MAPK10: variants seen among roughly 807,000 people sequenced by gnomAD.
MAPK10 encodes the protein mitogen-activated protein kinase 10, also known as JNK3 alpha protein kinase.
In MAPK10, 25 loss-of-function variants were observed where a neutral mutation model predicts 59.3. The ratio of observed to expected loss-of-function variants is 0.42; its 90% confidence interval spans 0.31 to 0.59. The LOEUF is 0.59. Among genes scored for constraint, MAPK10 ranks in the 20% least tolerant of loss-of-function variants. The pLI is 0.15. For missense variants in MAPK10, 351 were observed against 568.9 expected (o/e 0.62, Z 3.90); for synonymous variants, 190 against 200.5 (o/e 0.95, Z 0.44).
intron 1 of MAPK10, among the ~76,000 whole-genome samples, chr4:86,582,354 A>G (rs1027179666): frequency 2.6e-5 from 4 of 152,208 alleles, no homozygotes; most frequent in Non-Finnish European, 5.9e-5. Flanking sequence ...TATTACTAAT[A>G]TAAATACATG....
chr4:86,591,753 G>A (rs573998389), intron 1 of MAPK10, among the ~76,000 whole-genome samples: 11 of 151,986 alleles, frequency 7.2e-5, no homozygotes, highest in Non-Finnish European at 8.8e-5. Context: ...ATGCTTTGGA[G>A]TTTTCATATT....
At chr4:86,291,875 G>A (rs989567088) in intron 2 of MAPK10, among the ~76,000 whole-genome samples, 3 of 152,062 alleles carry the variant, frequency 2.0e-5, no homozygotes, top group African/African-American at 4.8e-5. Context: ...TTGTGAATAG[G>A]CATATAACTT....
chr4:86,172,248 CATGGTGCTATAAAG>C (rs1214279839), intron 3 of MAPK10, among the ~76,000 whole-genome samples: 3 of 142,070 alleles, frequency 2.1e-5, no homozygotes, highest in Non-Finnish European at 4.5e-5. Flanking sequence ...GACTATAAAT[CATGGTGCTATAAAG>C]ACACATGCAC....
chr4:86,548,816 A>G (rs539083614), intron 1 of MAPK10, among the ~76,000 whole-genome samples: 1 of 152,336 alleles, frequency 6.6e-6, no homozygotes, highest in East Asian at 1.9e-4. Flanking sequence ...ACTATGAACA[A>G]TAAGACAGCT....
At position 86,359,695 on chromosome 4, in the gene MAPK10, T is replaced by G; in HGVS notation, c.-159A>C. The G allele has an allele frequency of 1.0e-6, 1 of 985,806 alleles. No homozygotes were observed. 61.1% of individuals were successfully genotyped at this position (985,806 alleles called of 1,614,324 possible). ...GAGAACTACGATCCTGATCCGGCAG[T>G]GTTTGCCCCAGAAATCCTCCCTACT... is the stretch of plus-strand genomic sequence containing the variant. On this transcript the variant is annotated 5_prime_UTR_variant, in exon 1 of 14. Transcript: ENST00000641462.
At chr4:86,310,780 T>C (rs1564241447) in intron 2 of MAPK10, among the ~76,000 whole-genome samples, 1 of 152,154 alleles carries the variant, frequency 6.6e-6, no homozygotes, top group Non-Finnish European at 1.5e-5. Context: ...TTTCTCACTG[T>C]GTGATTTAGT....
chr4:86,238,327 G>A (rs1442489132), intron 2 of MAPK10, among the ~76,000 whole-genome samples: 5 of 152,052 alleles, frequency 3.3e-5, no homozygotes, highest in East Asian at 1.9e-4. Context: ...TTGGCTATAC[G>A]GGGTCTTCTT....
At chr4:86,176,744 C>T (rs997458998) in intron 3 of MAPK10, among the ~76,000 whole-genome samples, 1 of 151,992 alleles carries the variant, frequency 6.6e-6, no homozygotes, top group Admixed American at 6.6e-5. Flanking sequence ...CCAGAAAAAA[C>T]CTAATGTCAA....
At chr4:86,346,189 G>T (rs1226261568) in intron 2 of MAPK10, among the ~76,000 whole-genome samples, 2 of 152,122 alleles carry the variant, frequency 1.3e-5, no homozygotes, top group Non-Finnish European at 2.9e-5. Flanking sequence ...AGGATAGTAG[G>T]ATAGTCAAAC....
At chr4:86,442,166 G>A (rs925440867) in intron 1 of MAPK10, among the ~76,000 whole-genome samples, 6 of 152,120 alleles carry the variant, frequency 3.9e-5, no homozygotes, top group Non-Finnish European at 7.4e-5. Context: ...TAAAGAATGC[G>A]AATAGATTTA....
chr4:86,194,916 A>T (rs2080935692), intron 2 of MAPK10, among the ~76,000 whole-genome samples: 1 of 152,064 alleles, frequency 6.6e-6, no homozygotes. Flanking sequence ...GCAGTTTGTA[A>T]CAGATATAAG....
chr4:86,133,755 C>A (rs755094628), intron 4 of MAPK10, among the ~76,000 whole-genome samples: 24 of 152,152 alleles, frequency 1.6e-4, no homozygotes, highest in Non-Finnish European at 3.4e-4. Context: ...TTAAGTCAGT[C>A]CTTACTGACC....
intron 2 of MAPK10, among the ~76,000 whole-genome samples, chr4:86,223,721 C>T (rs1357177556): frequency 6.6e-6 from 1 of 152,126 alleles, no homozygotes; most frequent in East Asian, 1.9e-4. Flanking sequence ...CCAGATGCTC[C>T]CTCCTCTGGT....
At chr4:86,495,641 A>G (rs1579396138) in intron 1 of MAPK10, among the ~76,000 whole-genome samples, 1 of 152,354 alleles carries the variant, frequency 6.6e-6, no homozygotes, top group East Asian at 1.9e-4. Context: ...GCATCCAAAC[A>G]AAGATGAGAT....
At chr4:86,258,927 G>A (rs2093872292) in intron 2 of MAPK10, among the ~76,000 whole-genome samples, 1 of 151,978 alleles carries the variant, frequency 6.6e-6, no homozygotes, top group African/African-American at 2.4e-5. Flanking sequence ...CTAACAAAAT[G>A]TATAATTTAC....
chr4:86,350,780 T>C (rs1177086487), intron 2 of MAPK10, among the ~76,000 whole-genome samples: 1 of 152,172 alleles, frequency 6.6e-6, no homozygotes, highest in Non-Finnish European at 1.5e-5. Context: ...GCTTCACTGG[T>C]AGAATAATGG....
intron 1 of MAPK10, among the ~76,000 whole-genome samples, chr4:86,479,029 A>G (rs1753354950): frequency 1.3e-5 from 2 of 152,128 alleles, no homozygotes; most frequent in Admixed American, 1.3e-4. Flanking sequence ...GCTTTACTCA[A>G]CATGCCCTGA....
At chr4:86,379,174 CCAA>C (rs1740285309) in intron 1 of MAPK10, among the ~76,000 whole-genome samples, 1 of 152,150 alleles carries the variant, frequency 6.6e-6, no homozygotes, top group African/African-American at 2.4e-5. Flanking sequence ...ATTCTGCAGC[CCAA>C]CGAATCCTCC....
chr4:86,504,111 A>G (rs892554023), intron 1 of MAPK10, among the ~76,000 whole-genome samples: 83 of 152,300 alleles, frequency 5.4e-4, no homozygotes, highest in African/African-American at 1.9e-3. Flanking sequence ...TAACATCATT[A>G]GAAATATCAT....
Sources: allele counts gnomAD v4.1 joint callset (sites outside exome capture counted in the v4.1 genomes callset), GRCh38; gene constraint gnomAD v4.1.1; transcripts MANE v1.5; gene names NCBI Gene and HGNC (gene_info 2026-07-23, HGNC 2026-07-21).